The following MTBP variants were observed in gnomAD, a reference collection of about 807,000 sequenced individuals.
MTBP encodes MDM2 binding protein, also known as mdm2-binding protein.
MTBP carries 101 observed loss-of-function variants against 117.0 expected under a neutral mutation model. The observed-to-expected ratio is 0.86, with a 90% CI of 0.73 to 1.02. The LOEUF (loss-of-function observed/expected upper bound fraction) is 1.02. MTBP is among the 50% of genes least tolerant of loss of function. The probability of loss-of-function intolerance (pLI) is 0.00; values close to 1 mark genes in which losing one functional copy is unlikely to be tolerated. For synonymous variants in MTBP, 350 were observed against 351.5 expected, an observed-to-expected ratio of 1.00 and a Z score of 0.05; for missense variants, 970 against 1,030.9, an observed-to-expected ratio of 0.94 and a Z score of 0.81.
At chr8:120,513,009 C>T (rs1283906635) in intron 17 of MTBP, among the ~76,000 whole-genome samples, 1 of 152,162 alleles carries the variant, frequency 6.6e-6, no homozygotes, top group Non-Finnish European at 1.5e-5. Context: ...GTGTTAATGG[C>T]ATGGGAGCAA....
At chr8:120,446,851 C>T (rs781533102) in intron 2 of MTBP, among the ~76,000 whole-genome samples, 12 of 152,108 alleles carry the variant, frequency 7.9e-5, no homozygotes, top group South Asian at 2.1e-4. Context: ...AGCTCCCACA[C>T]GGATTTCCTT....
At position 120,518,103 on chromosome 8, in the gene MTBP, A is replaced by G. The variant is rs2130622387; in HGVS notation, c.2496+3A>G. The stretch of plus-strand genomic sequence containing the variant: ...CAAGATCACAGAAACACACACGGGT[A>G]AAGATTTATTTCCCATTTTTCTTAG... On this transcript the variant is annotated splice_donor_region_variant and intron_variant, in intron 19 of 21. Transcript: ENST00000305949. 2 of 1,610,122 alleles carry G rather than the reference A, an allele frequency of 1.2e-6. No individual in the cohort carries two copies. The highest frequency in any genetic ancestry group is 1.1e-5 in the South Asian group (1 of 90,690).
At chr8:120,479,960 A>C (rs2130564964) in intron 11 of MTBP, among the ~76,000 whole-genome samples, 1 of 152,250 alleles carries the variant, frequency 6.6e-6, no homozygotes, top group African/African-American at 2.4e-5. Context: ...AAAGAAATAG[A>C]CCAGAAATTA....
chr8:120,479,932 A>G (rs1452918792), intron 11 of MTBP, among the ~76,000 whole-genome samples: 1 of 152,186 alleles, frequency 6.6e-6, no homozygotes, highest in Non-Finnish European at 1.5e-5. Flanking sequence ...AGAAGACCTA[A>G]TCTAAATGAG....
At chr8:120,459,839 C>G (rs1448428146) in intron 8 of MTBP, among the ~76,000 whole-genome samples, 1 of 152,062 alleles carries the variant, frequency 6.6e-6, no homozygotes, top group Non-Finnish European at 1.5e-5. Context: ...TGACATAGTA[C>G]CTGACATATG....
intron 16 of MTBP, among the ~76,000 whole-genome samples, chr8:120,508,777 A>G (rs2130610910): frequency 6.6e-6 from 1 of 152,180 alleles, no homozygotes; most frequent in Non-Finnish European, 1.5e-5. Flanking sequence ...TTTACCTAGT[A>G]ACTATTTAAA....
intron 11 of MTBP, among the ~76,000 whole-genome samples, chr8:120,487,226 G>C (rs1172725403): frequency 6.6e-6 from 1 of 152,150 alleles, no homozygotes. Flanking sequence ...TTCAAACTCT[G>C]TTCCTATTCC....
intron 2 of MTBP, among the ~76,000 whole-genome samples, chr8:120,447,488 G>A (rs1160256805): frequency 2.0e-5 from 3 of 152,076 alleles, no homozygotes; most frequent in African/African-American, 7.2e-5. Flanking sequence ...GAGTATTCCA[G>A]GGGTTCTCAT....
chr8:120,482,518 T>C (rs1189615063), intron 11 of MTBP, among the ~76,000 whole-genome samples: 1 of 152,190 alleles, frequency 6.6e-6, no homozygotes, highest in African/African-American at 2.4e-5. Flanking sequence ...CTCTATTCAT[T>C]GTAGCTTTCA....
chr8:120,485,226 A>G (rs550809599), intron 11 of MTBP, among the ~76,000 whole-genome samples: 20 of 152,156 alleles, frequency 1.3e-4, no homozygotes, highest in Admixed American at 2.0e-4. Context: ...TAGCTTATTG[A>G]TTGAGATCTT....
chr8:120,449,134 C>T (rs1813284806), intron 2 of MTBP, among the ~76,000 whole-genome samples: 2 of 152,044 alleles, frequency 1.3e-5, no homozygotes, highest in South Asian at 4.1e-4. Flanking sequence ...ATGGGAGAGG[C>T]AGCCAGGGTG....
At chr8:120,456,277 A>G (rs1813465950) in intron 6 of MTBP, among the ~76,000 whole-genome samples, 1 of 152,110 alleles carries the variant, frequency 6.6e-6, no homozygotes, top group African/African-American at 2.4e-5. Flanking sequence ...GTGTTTATGT[A>G]CATCTGACAC....
intron 14 of MTBP, among the ~76,000 whole-genome samples, chr8:120,500,794 C>T (rs1012197504): frequency 5.9e-5 from 9 of 152,022 alleles, no homozygotes; most frequent in Admixed American, 2.0e-4. Flanking sequence ...TGGTGGCTCA[C>T]GCCTATAATC....
At position 120,459,356 on chromosome 8, in the gene MTBP, G is replaced by A. The variant is rs554336364; in HGVS notation, c.882+7G>A. On this transcript the variant is annotated splice_region_variant and intron_variant, in intron 8 of 21. Coordinates refer to ENST00000305949, the MANE Select transcript of MTBP (RefSeq NM_022045.5). ...TAAGAATATTTTGCCAAAGGTAATC[G>A]TGTTTAATTTTTTTGTGTGATCATT... 1.5e-5 allele frequency: 24 copies of A among 1,588,260 alleles called. No homozygotes were observed. The highest frequency in any genetic ancestry group is 1.9e-5 in the Non-Finnish European group (22 of 1,170,260).
chr8:120,457,922 C>T (rs376226503), intron 7 of MTBP, among the ~76,000 whole-genome samples: 3 of 142,790 alleles, frequency 2.1e-5, no homozygotes, highest in Non-Finnish European at 3.0e-5. Flanking sequence ...CTCCAGCCTG[C>T]GTGACAGAGT....
Position 120,456,438 on chromosome 8 carries a change from A to G in MTBP, c.630-115A>G, listed in dbSNP as rs1813469003. ...AATGGGTGTTTCATATTAATAGGAA[A>G]AATACAGCAATATAAATTTTGCAAT... is the stretch of plus-strand genomic sequence containing the variant. On this transcript the variant is annotated intron_variant, in intron 6 of 21. Transcript: ENST00000305949. The G allele has an allele frequency of 2.7e-5, 17 of 622,432 alleles. No individual in the cohort carries two copies. The South Asian group carries it at 3.2e-4, about 12-fold the overall frequency. The allele number at this position is 622,432 out of a possible 1,614,324, so 38.6% of individuals were successfully genotyped here.
At chr8:120,462,842 G>T (rs972391798) in intron 9 of MTBP, among the ~76,000 whole-genome samples, 3 of 152,122 alleles carry the variant, frequency 2.0e-5, no homozygotes, top group African/African-American at 7.2e-5. Flanking sequence ...AGCAGCACCT[G>T]TTCTACCCTA....
At chr8:120,496,821 A>G (rs1439408742) in intron 13 of MTBP, among the ~76,000 whole-genome samples, 1 of 152,076 alleles carries the variant, frequency 6.6e-6, no homozygotes, top group Non-Finnish European at 1.5e-5. Context: ...GTCCTGTTTC[A>G]GTCCAGCATC....
chr8:120,458,859 A>AG (rs1188664507), intron 7 of MTBP, among the ~76,000 whole-genome samples: 4 of 151,992 alleles, frequency 2.6e-5, no homozygotes, highest in African/African-American at 9.7e-5. Context: ...AAAAAAAAAA[A>AG]AAAAAGGAAC....
Sources: allele counts gnomAD v4.1 joint callset (sites outside exome capture counted in the v4.1 genomes callset), GRCh38; gene constraint gnomAD v4.1.1; transcripts MANE v1.5; gene names NCBI Gene and HGNC (gene_info 2026-07-23, HGNC 2026-07-21).